DNAJC3: variants seen among roughly 807,000 people sequenced by gnomAD.
The protein encoded by DNAJC3 is DnaJ heat shock protein family (Hsp40) member C3.
DNAJC3 carries 38 observed loss-of-function variants against 68.6 expected under a neutral mutation model. The ratio of observed to expected loss-of-function variants is 0.55; its 90% CI spans 0.43 to 0.73. The LOEUF (loss-of-function observed/expected upper bound fraction) is 0.73, where lower values mean the gene tolerates loss of function less well. Among genes scored for constraint, DNAJC3 ranks in the 30% least tolerant of loss-of-function variants. The probability of loss-of-function intolerance (pLI) is 0.00; values close to 1 mark genes in which losing one functional copy is unlikely to be tolerated. For synonymous variants in DNAJC3, 203 were observed against 204.0 expected, an observed-to-expected ratio of 1.00 and a Z score of 0.04; for missense variants, 526 against 591.9, an observed-to-expected ratio of 0.89 and a Z score of 1.16.
intron 4 of DNAJC3, among the ~76,000 whole-genome samples, chr13:95,730,112 C>G (rs1593985757): frequency 1.3e-5 from 2 of 151,990 alleles, no homozygotes; most frequent in African/African-American, 2.4e-5. Flanking sequence ...CTGCCTTAGC[C>G]CCCCAAGTAA....
At chr13:95,754,598 G>A (rs112711756) in intron 4 of DNAJC3, among the ~76,000 whole-genome samples, 2,610 of 152,106 alleles carry the variant, frequency 0.017, 76 homozygotes, top group African/African-American at 0.06. Flanking sequence ...TGTAATCCCA[G>A]CACATTGGGA....
At chr13:95,776,133 A>G (rs1158136579) in intron 9 of DNAJC3, among the ~76,000 whole-genome samples, 1 of 152,066 alleles carries the variant, frequency 6.6e-6, no homozygotes, top group African/African-American at 2.4e-5. Flanking sequence ...TTCTTTTTAA[A>G]AATTTAATAT....
At chr13:95,756,143 C>G (rs1163232963) in intron 4 of DNAJC3, among the ~76,000 whole-genome samples, 1 of 152,316 alleles carries the variant, frequency 6.6e-6, no homozygotes, top group East Asian at 1.9e-4. Flanking sequence ...TACATTCTAT[C>G]TAAGAGGGTC....
At chr13:95,730,693 A>G (rs757491625) in intron 4 of DNAJC3, among the ~76,000 whole-genome samples, 5 of 152,196 alleles carry the variant, frequency 3.3e-5, no homozygotes, top group African/African-American at 4.8e-5. Flanking sequence ...TACCAATACC[A>G]TGCTGTTTTG....
intron 9 of DNAJC3, among the ~76,000 whole-genome samples, chr13:95,783,104 GTGTTT>G (rs947362969): frequency 1.6e-4 from 25 of 152,106 alleles, no homozygotes; most frequent in East Asian, 7.7e-4. Flanking sequence ...TGTCTATTGG[GTGTTT>G]TGTTTTGTTT....
In DNAJC3 at chr13:95,677,326, T is replaced by C; in HGVS notation, c.71T>C (p.Leu24Pro). 6.3e-7 allele frequency: 1 copy of C among 1,598,674 alleles called. No individual in the cohort carries two copies. Among genetic ancestry groups the C allele is most frequent in the Admixed American group, 1.7e-5 (1 of 58,614 alleles). ...CCCTTCCTGCTAGTCCTGGTGGATC[T>C]GCAGTACGAAGGTGAGTCCTGCCCT... ...VFPFLLVLVD[L>P]QYEGAECGVN... The change falls in exon 1 of 12, where the codon CTG (leucine) becomes CCG (proline). Residue 24 changes from leucine (L) to proline (P), a missense_variant. Coordinates refer to ENST00000602402, the MANE Select transcript of DNAJC3 (RefSeq NM_006260.5).
At position 95,760,024 on chromosome 13, in the gene DNAJC3, T is replaced by G. The variant is rs1214058060; in HGVS notation, c.547-16T>G. 1.9e-6 allele frequency: 3 copies of G among 1,557,788 alleles called. No homozygotes were observed. The highest frequency in any genetic ancestry group is 2.6e-6 in the Non-Finnish European group (3 of 1,153,136). On this transcript the variant is annotated splice_polypyrimidine_tract_variant and intron_variant, in intron 5 of 11. Transcript: ENST00000602402. Reference sequence around the variant, plus strand: ...AATTTATTCTTTCTTAAAGTCTAGTTCTTTTGTTCCTCAAGGTTTGTGTTT... The same window carrying G: ...AATTTATTCTTTCTTAAAGTCTAGTGCTTTTGTTCCTCAAGGTTTGTGTTT...
intron 4 of DNAJC3, among the ~76,000 whole-genome samples, chr13:95,740,282 C>A (rs1199279487): frequency 1.3e-5 from 2 of 152,244 alleles, no homozygotes; most frequent in Non-Finnish European, 2.9e-5. Flanking sequence ...GTGCCCTGCT[C>A]CCAGAGGTGG....
chr13:95,755,497 G>A (rs1321124307), intron 4 of DNAJC3, among the ~76,000 whole-genome samples: 1 of 151,636 alleles, frequency 6.6e-6, no homozygotes, highest in East Asian at 1.9e-4. Flanking sequence ...AGTGGCTCAC[G>A]CCTGTAATCC....
chr13:95,786,334 G>A (rs1429326203), intron 10 of DNAJC3, among the ~76,000 whole-genome samples: 3 of 152,118 alleles, frequency 2.0e-5, no homozygotes, highest in African/African-American at 7.2e-5. Context: ...CCTAAGCCTA[G>A]ATTTTTTAAG....
chr13:95,785,993 GAGA>G lies in DNAJC3; in HGVS notation c.1133_1135del (p.Glu378del). Reference sequence around the variant, plus strand: ...CACAATGAAAATGATCAGCAGATTCGAGAAGGTCTAGAGAAAGCACAAAGATTA... The same window carrying G: ...CACAATGAAAATGATCAGCAGATTCGAGGTCTAGAGAAAGCACAAAGATTA... On this transcript the variant is annotated inframe_deletion, in exon 10 of 12. Transcript: ENST00000602402. The G allele has an allele frequency of 6.2e-7, 1 of 1,611,378 alleles. No individual in the cohort carries two copies. Among genetic ancestry groups the G allele is most frequent in the Non-Finnish European group, 8.5e-7 (1 of 1,178,954 alleles).
In DNAJC3 at chr13:95,792,578, A is replaced by G. The variant is rs1267879990; in HGVS notation, c.*1548A>G. The G allele has an allele frequency of 6.6e-6, 1 of 152,210 alleles. No individual in the cohort carries two copies. The highest frequency in any genetic ancestry group is 2.4e-5 in the African/African-American group (1 of 41,454). The allele number at this position is 152,210 out of a possible 1,614,324, so 9.4% of individuals were successfully genotyped here. On this transcript the variant is annotated 3_prime_UTR_variant, in exon 12 of 12. Transcript: ENST00000602402. ...TCATATCCTGAAACATAGGTGGACA[A>G]ATTTTTAACTGAGAGACAAAAATCA...
In DNAJC3 at chr13:95,791,346, G is replaced by A. The variant is rs1594035655; in HGVS notation, c.*316G>A. 3.0e-6 allele frequency: 1 copy of A among 330,518 alleles called. No homozygotes were observed. The highest frequency in any genetic ancestry group is 9.0e-5 in the East Asian group (1 of 11,154). 20.5% of individuals were successfully genotyped at this position (330,518 alleles called of 1,614,324 possible). A position where few individuals can be genotyped will look rare whatever the true frequency, so the allele number is the denominator to read the frequency against. On this transcript the variant is annotated 3_prime_UTR_variant, in exon 12 of 12. Coordinates refer to ENST00000602402, the MANE Select transcript of DNAJC3 (RefSeq NM_006260.5). The stretch of plus-strand genomic sequence containing the variant: ...TTCTGTATTATTTTTCTACACTGGA[G>A]CTGAGATTCTTCTCTTCACAGCCTT...
chr13:95,677,745 C>G (rs1004325955), intron 1 of DNAJC3, among the ~76,000 whole-genome samples: 1 of 152,160 alleles, frequency 6.6e-6, no homozygotes, highest in African/African-American at 2.4e-5. Context: ...ACTAAGGTGG[C>G]CAAAAGACTT....
chr13:95,683,645 G>A (rs544300170), intron 1 of DNAJC3, among the ~76,000 whole-genome samples: 5 of 152,176 alleles, frequency 3.3e-5, no homozygotes, highest in Admixed American at 1.3e-4. Flanking sequence ...ACCCAGTTCC[G>A]GCTGGGCACT....
intron 2 of DNAJC3, among the ~76,000 whole-genome samples, chr13:95,715,931 CGGATCACCTGAGGTCA>C (rs1020373250): frequency 1.3e-5 from 2 of 151,032 alleles, no homozygotes; most frequent in African/African-American, 4.9e-5. Context: ...CTAAGGTGGG[CGGATCACCTGAGGTCA>C]GGAGTTCGAG....
Position 95,737,667 on chromosome 13 carries a change from A to G in DNAJC3, c.393+12415A>G, listed in dbSNP as rs947982569. Among the ~76,000 whole-genome samples, 28 of 151,714 alleles carry G rather than the reference A, an allele frequency of 1.8e-4. 1 individual carries two copies. Among genetic ancestry groups the G allele is most frequent in the East Asian group, 1.5e-3 (8 of 5,186 alleles). On this transcript the variant is annotated intron_variant, in intron 4 of 11. Coordinates refer to ENST00000602402, the MANE Select transcript of DNAJC3 (RefSeq NM_006260.5). ...GTATTGCTGTGGGATCGGTGGTGAT[A>G]TCCCCTTTATCATTTTTTTATTGTG... is the stretch of plus-strand genomic sequence containing the variant.
At chr13:95,781,399 T>G (rs969581291) in intron 9 of DNAJC3, among the ~76,000 whole-genome samples, 3 of 152,264 alleles carry the variant, frequency 2.0e-5, no homozygotes, top group African/African-American at 4.8e-5. Flanking sequence ...CCAGATCTGC[T>G]AGGGCCTCTT....
intron 1 of DNAJC3, among the ~76,000 whole-genome samples, chr13:95,701,653 C>T (rs1314636771): frequency 6.6e-6 from 1 of 152,190 alleles, no homozygotes; most frequent in Non-Finnish European, 1.5e-5. Context: ...TATGAAACAA[C>T]TCTTGTTAAT....
Sources: gnomAD v4.1 joint callset for allele counts (sites outside exome capture counted in the v4.1 genomes callset) on GRCh38, gnomAD v4.1.1 for gene constraint, MANE v1.5 for transcripts, NCBI Gene and HGNC (gene_info 2026-07-23, HGNC 2026-07-21) for gene names.